Variants in PCDHGB4 observed in about 807,000 individuals in gnomAD.
PCDHGB4 encodes the protein protocadherin gamma-B4.
In PCDHGB4, 38 loss-of-function variants were observed where a neutral mutation model predicts 60.5. The observed-to-expected ratio is 0.63, with a 90% confidence interval of 0.48 to 0.82. The LOEUF (loss-of-function observed/expected upper bound fraction) is 0.82, where lower values mean the gene tolerates loss of function less well. Among genes scored for constraint, PCDHGB4 ranks in the 40% least tolerant of loss-of-function variants. The probability of loss-of-function intolerance (pLI) is 0.00; values close to 1 mark genes in which losing one functional copy is unlikely to be tolerated. For synonymous variants in PCDHGB4, 456 were observed against 509.7 expected, an observed-to-expected ratio of 0.89 and a Z score of 1.42; for missense variants, 1,109 against 1,209.6, an observed-to-expected ratio of 0.92 and a Z score of 1.23.
Position 141,491,420 on chromosome 5 carries a change from G to A in PCDHGB4, c.2398-3387G>A, listed in dbSNP as rs2099713954. 1.2e-6 allele frequency: 2 copies of A among 1,614,004 alleles called. No homozygotes were observed. The highest frequency in any genetic ancestry group is 2.2e-5 in the South Asian group (2 of 91,090). On this transcript the variant is annotated intron_variant, in intron 1 of 3. Transcript: ENST00000519479. This position sits in a 1 kb window ranked among gnomAD's most constrained non-coding sequence, Gnocchi z 6.9. ...GGAAACGCAGACGGGGACGGGGGTG[G>A]AGGGCAGTGCTGCAGGCGCCAGGAC...
intron 1 of PCDHGB4, chr5:141,399,021 C>T (rs2093739749): frequency 1.2e-6 from 2 of 1,613,862 alleles, no homozygotes; most frequent in Non-Finnish European, 1.7e-6. Context: ...GAGAAATTAC[C>T]ACTCAAAAGA....
chr5:141,409,351 G>T, intron 1 of PCDHGB4: 1 of 1,613,982 alleles, frequency 6.2e-7, no homozygotes, highest in South Asian at 1.1e-5. Flanking sequence ...GAGAAGTCAG[G>T]TGTAATATAG....
At chr5:141,504,696 G>T (rs2099840373) in intron 2 of PCDHGB4, among the ~76,000 whole-genome samples, 1 of 151,438 alleles carries the variant, frequency 6.6e-6, no homozygotes, top group African/African-American at 2.4e-5. Flanking sequence ...GGAGGGGCAG[G>T]TTCTTCTATG....
chr5:141,388,803 T>G lies in PCDHGB4; in HGVS notation c.919T>G (p.Phe307Val), dbSNP rs774082539. The G allele has an allele frequency of 3.1e-6, 5 of 1,613,936 alleles. No individual in the cohort carries two copies. In the East Asian group the frequency reaches 1.1e-4, roughly 36 times the overall value. ...AATTACTGTTTTAAATACATTAGATTTTGAAGAAGTCAAAGAATATTCCAT... is the reference window on the plus strand; with the variant it reads ...AATTACTGTTTTAAATACATTAGATGTTGAAGAAGTCAAAGAATATTCCAT... ...GEITVLNTLD[F>V]EEVKEYSIVL... The change falls in exon 1 of 4, where the codon TTT becomes GTT. Residue 307 changes from phenylalanine to valine, a missense_variant. Physicochemically the swap from Phe to Val is conservative, Grantham distance 50. Transcript: ENST00000519479.
chr5:141,411,017 A>T lies in PCDHGB4; in HGVS notation c.2397+20736A>T, dbSNP rs140607036. ...TACTGGTGCCCCTCACCACAGCTAA[A>T]TTTTTTGTATTTTTAGTAGACATGG... On this transcript the variant is annotated intron_variant, in intron 1 of 3. Transcript: ENST00000519479. 3.9e-3 allele frequency: 631 copies of T among 162,486 alleles called. 5 individuals are homozygous for T. Among genetic ancestry groups the T allele is most frequent in the Admixed American group, 0.011 (172 of 16,000 alleles). 10.1% of individuals were successfully genotyped at this position (162,486 alleles called of 1,614,324 possible).
At position 141,487,534 on chromosome 5, in the gene PCDHGB4, G is replaced by T; in HGVS notation, c.2398-7273G>T. The T allele has an allele frequency of 6.2e-7, 1 of 1,614,174 alleles. No homozygotes were observed. The highest frequency in any genetic ancestry group is 8.5e-7 in the Non-Finnish European group (1 of 1,180,034). ...CCACTCGGAGTGATAGCTTCATGAT[G>T]GTGAAGTCACCCAGTGCACCTATGG... On this transcript the variant is annotated intron_variant, in intron 1 of 3. Coordinates refer to ENST00000519479, the MANE Select transcript of PCDHGB4 (RefSeq NM_003736.4). This position sits in a 1 kb window ranked among gnomAD's most constrained non-coding sequence, Gnocchi z 5.0.
intron 1 of PCDHGB4, chr5:141,396,614 C>G (rs904107360): frequency 1.3e-5 from 2 of 149,602 alleles, no homozygotes; most frequent in African/African-American, 4.9e-5. Flanking sequence ...GGTGAGACTC[C>G]GTCTCAAAAA....
intron 1 of PCDHGB4, among the ~76,000 whole-genome samples, chr5:141,429,720 A>G (rs571388976): frequency 6.6e-6 from 1 of 152,340 alleles, no homozygotes; most frequent in South Asian, 2.1e-4. Context: ...TACGCTCATG[A>G]AAGTACGTAG....
At chr5:141,498,231 A>T (rs1213697084) in intron 2 of PCDHGB4, among the ~76,000 whole-genome samples, 1 of 152,268 alleles carries the variant, frequency 6.6e-6, no homozygotes, top group East Asian at 1.9e-4. Flanking sequence ...ATGGTCAGGC[A>T]TACCAGCTTC....
intron 1 of PCDHGB4, chr5:141,399,670 G>A (rs2093861747): frequency 6.2e-7 from 1 of 1,613,610 alleles, no homozygotes; most frequent in Non-Finnish European, 8.5e-7. Flanking sequence ...CGCGCAGCGC[G>A]CCTTTGACTA....
At position 141,485,062 on chromosome 5, in the gene PCDHGB4, C is replaced by A; in HGVS notation, c.2398-9745C>A. 1 of 876,340 alleles carries A rather than the reference C, an allele frequency of 1.1e-6. No individual in the cohort carries two copies. Among genetic ancestry groups the A allele is most frequent in the African/African-American group, 1.7e-5 (1 of 59,510 alleles). The allele number at this position is 876,340 out of a possible 1,614,324, so 54.3% of individuals were successfully genotyped here. On this transcript the variant is annotated intron_variant, in intron 1 of 3. Coordinates refer to ENST00000519479, the MANE Select transcript of PCDHGB4 (RefSeq NM_003736.4). This position sits in a 1 kb window ranked among gnomAD's most constrained non-coding sequence, Gnocchi z 5.7. ...CCTTGCGGCGCCGGCCGAACCGCGC[C>A]AGAGCTGGCGCGGGGAAAGGGAGAT...
intron 1 of PCDHGB4, among the ~76,000 whole-genome samples, chr5:141,480,720 G>C (rs2099524423): frequency 6.6e-6 from 1 of 152,146 alleles, no homozygotes; most frequent in Non-Finnish European, 1.5e-5. Context: ...TGAAAGCACA[G>C]TCTCTGGGGG....
Position 141,476,698 on chromosome 5 carries a change from G to T in PCDHGB4, c.2398-18109G>T. The T allele has an allele frequency of 4.3e-6, 7 of 1,614,056 alleles. No homozygotes were observed. Among genetic ancestry groups the T allele is most frequent in the Non-Finnish European group, 5.9e-6 (7 of 1,179,986 alleles). ...CGCGGGAGGACAGCACCAAGTACGC[G>T]GAGCTGGTGTTGGAGCGCGCCCTGG... On this transcript the variant is annotated intron_variant, in intron 1 of 3. Coordinates refer to ENST00000519479, the MANE Select transcript of PCDHGB4 (RefSeq NM_003736.4). The surrounding 1 kb of genome is among the most constrained non-coding windows in gnomAD (Gnocchi z 7.6).
intron 1 of PCDHGB4, chr5:141,392,953 A>T: frequency 6.2e-7 from 1 of 1,613,924 alleles, no homozygotes; most frequent in Non-Finnish European, 8.5e-7. Context: ...TTCGTGGGTA[A>T]TATCTCCAAG....
At chr5:141,399,063 A>C in intron 1 of PCDHGB4, 1 of 1,613,714 alleles carries the variant, frequency 6.2e-7, no homozygotes. Flanking sequence ...AGGAATATTC[A>C]ATGGTTGTAG....
chr5:141,499,751 A>G (rs1355923543), intron 2 of PCDHGB4, among the ~76,000 whole-genome samples: 2 of 149,258 alleles, frequency 1.3e-5, no homozygotes, highest in Non-Finnish European at 3.0e-5. Flanking sequence ...CTGTGGCACA[A>G]TCTCAGCTCA....
At chr5:141,403,104 A>T in intron 1 of PCDHGB4, 1 of 1,614,038 alleles carries the variant, frequency 6.2e-7, no homozygotes. Flanking sequence ...ATCTCCAAGG[A>T]CCTGGCTCTG....
intron 1 of PCDHGB4, chr5:141,423,481 C>G: frequency 6.2e-7 from 1 of 1,613,908 alleles, no homozygotes; most frequent in South Asian, 1.1e-5. Context: ...GGCTTTCCTG[C>G]AAACCTATTC....
intron 1 of PCDHGB4, among the ~76,000 whole-genome samples, chr5:141,466,358 A>G (rs1210013683): frequency 6.6e-6 from 1 of 152,066 alleles, no homozygotes; most frequent in Admixed American, 6.5e-5. Flanking sequence ...GCTAATCTAG[A>G]TGTAATGGTT....
Sources: gnomAD v4.1 joint callset for allele counts (sites outside exome capture counted in the v4.1 genomes callset) on GRCh38, gnomAD v4.1.1 for gene constraint, Gnocchi (gnomAD v3.1) non-coding constraint, MANE v1.5 for transcripts, NCBI Gene and HGNC (gene_info 2026-07-23, HGNC 2026-07-21) for gene names.